FILIP1L: variants seen among roughly 807,000 people sequenced by gnomAD.
FILIP1L encodes filamin A-interacting protein 1-like.
A neutral mutation model predicts 96.6 loss-of-function variants in FILIP1L; 55 were observed. The observed-to-expected ratio is 0.57, with a 90% CI of 0.46 to 0.71. The LOEUF is 0.71. FILIP1L is among the 30% of genes least tolerant of loss of function. FILIP1L has a pLI of 0.00. For synonymous variants in FILIP1L, 467 were observed against 473.9 expected (o/e 0.99, Z 0.19); for missense variants, 1,304 against 1,321.2 (o/e 0.99, Z 0.20).
intron 1 of FILIP1L, among the ~76,000 whole-genome samples, chr3:100,031,930 A>G (rs1319079244): frequency 2.0e-5 from 3 of 152,144 alleles, no homozygotes; most frequent in Non-Finnish European, 4.4e-5. Context: ...CTGTGTTTCC[A>G]TAAAACTATA....
chr3:99,914,853 C>A (rs887846214), intron 4 of FILIP1L, among the ~76,000 whole-genome samples: 24 of 152,094 alleles, frequency 1.6e-4, no homozygotes, highest in Admixed American at 1.6e-3. Flanking sequence ...TTGTGATGCA[C>A]CTGTGTGATA....
At chr3:100,111,902 A>G (rs1478913247) in intron 1 of FILIP1L, among the ~76,000 whole-genome samples, 1 of 152,220 alleles carries the variant, frequency 6.6e-6, no homozygotes, top group Non-Finnish European at 1.5e-5. Flanking sequence ...ATCTATGTTG[A>G]ACAACATGCA....
intron 1 of FILIP1L, among the ~76,000 whole-genome samples, chr3:100,027,016 TTGCTGTTCCC>T (rs2064936141): frequency 6.6e-6 from 1 of 152,172 alleles, no homozygotes; most frequent in African/African-American, 2.4e-5. Flanking sequence ...ACCTTTGTCC[TTGCTGTTCCC>T]TATTTTTCCA....
In FILIP1L at chr3:100,021,993, G is replaced by T. The variant is rs574189221; in HGVS notation, c.-10-90963C>A. Among the ~76,000 whole-genome samples the T allele has an allele frequency of 5.9e-3, 871 of 146,672 alleles. 10 individuals are homozygous for T. The highest frequency in any genetic ancestry group is 0.021 in the African/African-American group (807 of 38,996). ...AGAGAGAGAGAGAGAGAGAGAGAGA[G>T]ATATGAGGGGGGCACCAAGACAGAC... On this transcript the variant is annotated intron_variant, in intron 1 of 5. Transcript: ENST00000477258.
chr3:100,067,623 T>C (rs889651522), intron 1 of FILIP1L, among the ~76,000 whole-genome samples: 7 of 152,210 alleles, frequency 4.6e-5, no homozygotes, highest in African/African-American at 1.7e-4. Context: ...GAAGAACAAC[T>C]AGAATTCACA....
intron 1 of FILIP1L, among the ~76,000 whole-genome samples, chr3:99,982,556 C>A (rs1709159456): frequency 6.6e-6 from 1 of 152,096 alleles, no homozygotes; most frequent in South Asian, 2.1e-4. Flanking sequence ...GTTGCCCAGG[C>A]TGGTCTTTCA....
intron 1 of FILIP1L, among the ~76,000 whole-genome samples, chr3:99,955,594 G>A (rs184151401): frequency 1.1e-4 from 17 of 152,172 alleles, no homozygotes; most frequent in Admixed American, 1.1e-3. Flanking sequence ...TTTTACTTGT[G>A]AAAGACTGTG....
chr3:99,930,767 AC>A lies in FILIP1L; in HGVS notation c.252+1del, dbSNP rs1707452446. ...GATGGGGATAACTCCAACCCAGCTGACCTGCAGTTCTCCCTCCAGAATGCTG... is the reference window on the plus strand; with the variant it reads ...GATGGGGATAACTCCAACCCAGCTGACTGCAGTTCTCCCTCCAGAATGCTG... On this transcript the variant is annotated splice_donor_variant, in intron 2 of 5. Coordinates refer to ENST00000477258, the MANE Select transcript of FILIP1L (RefSeq NM_001387850.1). LOFTEE classifies it high-confidence loss of function. 2 of 1,612,934 alleles carry A rather than the reference AC, an allele frequency of 1.2e-6. No homozygotes were observed. Among genetic ancestry groups the A allele is most frequent in the African/African-American group, 1.3e-5 (1 of 74,700 alleles).
chr3:99,851,088 C>A lies in FILIP1L; in HGVS notation c.606-18G>T. On this transcript the variant is annotated intron_variant, in intron 4 of 5. Transcript: ENST00000477258. Reference sequence around the variant, plus strand: ...TCTTTAATCTGAAAAATGTAAAGTGCATTTTATTTTGTGATTGATGCTTTA... The same window carrying A: ...TCTTTAATCTGAAAAATGTAAAGTGAATTTTATTTTGTGATTGATGCTTTA... The A allele has an allele frequency of 6.5e-7, 1 of 1,545,216 alleles. No homozygotes were observed.
rs141283281 is a variant in FILIP1L at position 99,880,824 on chromosome 3, C to G, written c.606-29754G>C. Among the ~76,000 whole-genome samples the G allele has an allele frequency of 3.8e-3, 577 of 152,188 alleles. 3 individuals are homozygous for G. Among genetic ancestry groups the G allele is most frequent in the African/African-American group, 0.013 (549 of 41,530 alleles). ...TTCAATGTACTGTGTTTCTTTTAGT[C>G]TTTTTCTAAGCATTTATAAAGCATC... On this transcript the variant is annotated intron_variant, in intron 4 of 5. Transcript: ENST00000477258.
At chr3:100,075,886 G>A (rs34922392) in intron 1 of FILIP1L, among the ~76,000 whole-genome samples, 1 of 151,932 alleles carries the variant, frequency 6.6e-6, no homozygotes, top group South Asian at 2.1e-4. Context: ...TAATCCTTCT[G>A]GGGTATTAGG....
intron 1 of FILIP1L, among the ~76,000 whole-genome samples, chr3:99,977,997 T>C (rs1220452951): frequency 6.6e-6 from 1 of 152,200 alleles, no homozygotes; most frequent in African/African-American, 2.4e-5. Flanking sequence ...TCTTTAAGAT[T>C]AATATTCTGT....
intron 1 of FILIP1L, among the ~76,000 whole-genome samples, chr3:100,081,314 A>G (rs750842229): frequency 1.3e-5 from 2 of 152,190 alleles, no homozygotes; most frequent in Non-Finnish European, 2.9e-5. Context: ...AAAACAAATT[A>G]TATACCATGG....
intron 3 of FILIP1L, among the ~76,000 whole-genome samples, chr3:99,927,240 A>G (rs1707321523): frequency 6.6e-6 from 1 of 152,252 alleles, no homozygotes; most frequent in Admixed American, 6.5e-5. Flanking sequence ...GAATAAAATT[A>G]AATTTAAAAG....
At chr3:99,894,215 G>A (rs149821156) in intron 4 of FILIP1L, among the ~76,000 whole-genome samples, 1,762 of 152,298 alleles carry the variant, frequency 0.012, 19 homozygotes, top group African/African-American at 0.026. Flanking sequence ...TAAGTAGATT[G>A]CATAAGATAC....
chr3:100,019,537 AAAGAG>A (rs1212885420), intron 1 of FILIP1L, among the ~76,000 whole-genome samples: 2 of 152,228 alleles, frequency 1.3e-5, no homozygotes, highest in African/African-American at 2.4e-5. Context: ...TAATTTTTTA[AAAGAG>A]AAAAGTAAAT....
At chr3:99,907,011 G>C (rs887967206) in intron 4 of FILIP1L, among the ~76,000 whole-genome samples, 1 of 152,010 alleles carries the variant, frequency 6.6e-6, no homozygotes, top group African/African-American at 2.4e-5. Flanking sequence ...ATAATGTTTA[G>C]ATAATTTAAA....
intron 3 of FILIP1L, among the ~76,000 whole-genome samples, chr3:99,925,556 G>A (rs1707264818): frequency 6.6e-6 from 1 of 151,350 alleles, no homozygotes; most frequent in South Asian, 2.1e-4. Flanking sequence ...TGAGCAGCAT[G>A]TGGGACACTT....
intron 1 of FILIP1L, chr3:100,075,565 C>G (rs1295343340): frequency 7.0e-6 from 1 of 142,228 alleles, no homozygotes; most frequent in African/African-American, 2.6e-5. Flanking sequence ...TTTTCTTTTT[C>G]TTTTTTTTTT....
Sources: gnomAD v4.1 joint callset for allele counts (sites outside exome capture counted in the v4.1 genomes callset) on GRCh38, gnomAD v4.1.1 for gene constraint, MANE v1.5 for transcripts, NCBI Gene and HGNC (gene_info 2026-07-23, HGNC 2026-07-21) for gene names.